RRN3: variants seen among roughly 807,000 people sequenced by gnomAD.
RRN3 encodes RNA polymerase I-specific transcription initiation factor RRN3.
Under a neutral mutation model 82.3 loss-of-function variants are expected in RRN3, and 38 were observed. The ratio of observed to expected loss-of-function variants is 0.46; its 90% CI spans 0.36 to 0.61. The LOEUF (loss-of-function observed/expected upper bound fraction) is 0.61. Ranked by LOEUF, RRN3 falls within the 20% of genes least tolerant of loss-of-function variation. The pLI, the probability that RRN3 is intolerant of heterozygous loss-of-function variation, is 0.00. For synonymous variants in RRN3, 284 were observed against 284.3 expected, an observed-to-expected ratio of 1.00 and a Z score of 0.01; for missense variants, 726 against 793.1, an observed-to-expected ratio of 0.92 and a Z score of 1.02.
rs1352448757 is a variant in RRN3 at position 15,077,118 on chromosome 16, TAC to T, written c.766-470_766-469del. On this transcript the variant is annotated intron_variant, in intron 9 of 17. Transcript: ENST00000198767. ...CCTCAGCCTCCCGAGTAGCTGGGAT[TAC>T]AGTCATGTGCCACTGTGCCCAGCTA... Among the ~76,000 whole-genome samples the T allele has an allele frequency of 5.3e-5, 8 of 151,962 alleles. No homozygotes were observed. The East Asian group carries it at 1.4e-3, about 26-fold the overall frequency.
In RRN3 at chr16:15,065,324, C is replaced by T. The variant is rs1597878146; in HGVS notation, c.1601G>A (p.Arg534His). 11 of 1,613,668 alleles carry T rather than the reference C, an allele frequency of 6.8e-6. No homozygotes were observed. The highest frequency in any genetic ancestry group is 9.3e-6 in the Non-Finnish European group (11 of 1,179,708). The change falls in exon 16 of 18, where the codon CGC (arginine) becomes CAC (histidine). Residue 534 changes from arginine (R) to histidine (H), a missense_variant. Arg to His is a conservative substitution (Grantham distance 29, BLOSUM62 0). Around this residue, in one of 4 missense-constraint regions of RRN3, gnomAD observed 166 missense variants for 154.8 expected, o/e 1.07. Transcript: ENST00000198767. ...ACTCCTAATGACTGGCAGCATCTGG[C>T]GATTGTTCCTCTCAATGATGGTGTA... ...FCYTIIERNN[R>H]QMLPVIRSTA...
chr16:15,092,475 C>A (rs2046172868), intron 2 of RRN3, 34 bp downstream of exon 2: 2 of 1,442,630 alleles, frequency 1.4e-6, no homozygotes, highest in Non-Finnish European at 2.0e-6. Context: ...TCTGACCTAA[C>A]CAAAAGCAAA....
intron 15 of RRN3, among the ~76,000 whole-genome samples, chr16:15,066,417 G>T (rs2044975162): frequency 6.6e-6 from 1 of 152,104 alleles, no homozygotes; most frequent in African/African-American, 2.4e-5. Context: ...CGGTTCACTT[G>T]AGCTCAGGAG....
Position 15,083,543 on chromosome 16 carries a change from A to T in RRN3, c.636T>A (p.Phe212Leu). The change falls in exon 8 of 18, where the codon TTT becomes TTA. Residue 212 changes from phenylalanine (F) to leucine (L), a missense_variant. Transcript: ENST00000198767. The part of the protein sequence containing the change: ...WFLMPILVEK[F>L]PFVRKSERTL... The stretch of plus-strand genomic sequence containing the variant: ...TTCTCTCTGATTTTCGAACAAATGG[A>T]AATTTTTCCACCAGTATTGGCATGA... 2 of 1,609,324 alleles carry T rather than the reference A, an allele frequency of 1.2e-6. No individual in the cohort carries two copies. The highest frequency in any genetic ancestry group is 1.1e-5 in the South Asian group (1 of 90,178).
chr16:15,086,196 A>G lies in RRN3; in HGVS notation c.405T>C (p.Asn135=), dbSNP rs770425710. Residue 135 remains asparagine, a synonymous_variant, in exon 5 of 18, where the codon AAT becomes AAC. Coordinates refer to ENST00000198767, the MANE Select transcript of RRN3 (RefSeq NM_018427.5). ...GGAAAACAGTCTGTGCTGATACAAG[A>G]TTACCAAGAAAAGCCAAATACTCTT... ...VVEEYLAFLG[N]LVSAQTVFLR... 4.6e-5 allele frequency: 73 copies of G among 1,593,346 alleles called. 1 individual carries two copies. The South Asian group carries it at 5.3e-4, about 11-fold the overall frequency.
intron 14 of RRN3, among the ~76,000 whole-genome samples, chr16:15,069,034 A>G (rs2045105554): frequency 6.6e-6 from 1 of 152,234 alleles, no homozygotes; most frequent in Admixed American, 6.5e-5. Flanking sequence ...GTATTTACTT[A>G]CCTTGTGATA....
At chr16:15,070,300 A>C (rs761324172) in intron 13 of RRN3, 46 bp from the exon 14 acceptor site, 87 of 1,604,554 alleles carry the variant, frequency 5.4e-5, no homozygotes, top group Admixed American at 8.5e-5. Flanking sequence ...TCATAAAAAA[A>C]CCAGAATAAC....
At chr16:15,072,194 G>A (rs1186191026) in intron 12 of RRN3, among the ~76,000 whole-genome samples, 1 of 148,762 alleles carries the variant, frequency 6.7e-6, no homozygotes, top group Non-Finnish European at 1.5e-5. Flanking sequence ...TCTCTAGGAA[G>A]CCACAAAATC....
In RRN3 at chr16:15,089,195, G is replaced by A. The variant is rs1163990813; in HGVS notation, c.252+2120C>T. ...TGGCACAGCTACTCGGGAGGCTGAG[G>A]TGGGAGGATGGCTTGAACCCAGGAG... On this transcript the variant is annotated intron_variant, in intron 3 of 17. Transcript: ENST00000198767. Among the ~76,000 whole-genome samples, 12 of 152,136 alleles carry A rather than the reference G, an allele frequency of 7.9e-5. No homozygotes were observed. In the South Asian group the frequency reaches 1.0e-3, roughly 13 times the overall value.
At chr16:15,067,140 G>A (rs1296001552) in intron 15 of RRN3, among the ~76,000 whole-genome samples, 1 of 150,950 alleles carries the variant, frequency 6.6e-6, no homozygotes, top group Admixed American at 6.6e-5. Flanking sequence ...CAGAAGAGAG[G>A]ACACCTTGAA....
intron 6 of RRN3, among the ~76,000 whole-genome samples, chr16:15,085,010 G>A (rs982631342): frequency 1.4e-5 from 2 of 147,630 alleles, no homozygotes; most frequent in South Asian, 4.4e-4. Context: ...AGGCTGCAGC[G>A]AACCGAGATC....
intron 11 of RRN3, 33 bp from the exon 12 acceptor site, chr16:15,073,113 A>G (rs2045305461): frequency 6.3e-7 from 1 of 1,599,382 alleles, no homozygotes; most frequent in Non-Finnish European, 8.5e-7. Context: ...CAGTTTTTAT[A>G]AAGACATATT....
chr16:15,093,553 C>A (rs1258141935), intron 1 of RRN3, among the ~76,000 whole-genome samples: 1 of 152,056 alleles, frequency 6.6e-6, no homozygotes, highest in African/African-American at 2.4e-5. Context: ...AGCAGGAGCT[C>A]GATAATTATT....
intron 9 of RRN3, among the ~76,000 whole-genome samples, chr16:15,078,173 T>C (rs551029668): frequency 1.3e-5 from 2 of 152,352 alleles, no homozygotes; most frequent in East Asian, 1.9e-4. Flanking sequence ...ACATATACAG[T>C]TGGCCAGAGA....
intron 16 of RRN3, 23 bp from the exon 17 acceptor site, chr16:15,063,306 A>G: frequency 6.4e-6 from 10 of 1,563,664 alleles, no homozygotes; most frequent in Non-Finnish European, 8.8e-6. Flanking sequence ...ATCACATTTC[A>G]AAGTCAAGTT....
intron 8 of RRN3, among the ~76,000 whole-genome samples, chr16:15,081,156 A>G (rs1394846658): frequency 1.3e-5 from 2 of 152,308 alleles, no homozygotes; most frequent in East Asian, 1.9e-4. Context: ...TGAGGCTATT[A>G]TGGATGATGC....
intron 8 of RRN3, among the ~76,000 whole-genome samples, chr16:15,082,662 G>A (rs2045755711): frequency 6.6e-6 from 1 of 151,338 alleles, no homozygotes; most frequent in African/African-American, 2.4e-5. Context: ...GACAGACGGA[G>A]ACTGTCCCCC....
chr16:15,093,809 T>A (rs1267915173), intron 1 of RRN3: 1 of 374,678 alleles, frequency 2.7e-6, no homozygotes, highest in Non-Finnish European at 4.8e-6. Flanking sequence ...ATAACCCACA[T>A]AGCCCAGGGA....
Position 15,094,175 on chromosome 16 carries a change from G to A in RRN3, c.59C>T (p.Ala20Val), listed in dbSNP as rs1008530139. ...CCTCGACGCGCCCAGCTTCTTAACT[G>A]CAGAGGACGAAGCGGCCGCATCTCC... Reference protein sequence around the residue: ...LPGDAAASSSAVKKLGASRTG... With the variant: ...LPGDAAASSSVVKKLGASRTG... The change falls in exon 1 of 18, where the codon GCA becomes GTA. Residue 20 changes from alanine (A) to valine (V), a missense_variant. Ala to Val is a moderately conservative substitution (Grantham distance 64). This residue lies in a region of RRN3 where 135 missense variants were observed against 87.4 expected (regional missense o/e 1.55). Coordinates refer to ENST00000198767, the MANE Select transcript of RRN3 (RefSeq NM_018427.5). 7.5e-6 allele frequency: 12 copies of A among 1,602,446 alleles called. No homozygotes were observed. Among genetic ancestry groups the A allele is most frequent in the African/African-American group, 1.3e-5 (1 of 74,948 alleles).
Sources: allele counts gnomAD v4.1 joint callset (sites outside exome capture counted in the v4.1 genomes callset), GRCh38; gene constraint gnomAD v4.1.1; regional missense constraint gnomAD v4.1.1; transcripts MANE v1.5; gene names NCBI Gene and HGNC (gene_info 2026-07-23, HGNC 2026-07-21).